The following NASP variants were observed in gnomAD, a reference collection of about 807,000 sequenced individuals.
The protein encoded by NASP is nuclear autoantigenic sperm protein, also known as NASP histone chaperone.
A neutral mutation model predicts 89.5 loss-of-function variants in NASP; 24 were observed. That is an observed-to-expected ratio of 0.27 (90% CI 0.19 to 0.38). NASP has a LOEUF of 0.38. Among genes scored for constraint, NASP ranks in the 10% least tolerant of loss-of-function variants. The pLI is 1.00. For missense variants in NASP, 848 were observed against 921.4 expected (o/e 0.92, Z 1.03); for synonymous variants, 306 against 324.7 (o/e 0.94, Z 0.62).
intron 2 of NASP, among the ~76,000 whole-genome samples, chr1:45,594,254 G>A (rs765382331): frequency 2.6e-5 from 4 of 151,780 alleles, no homozygotes; most frequent in Admixed American, 2.6e-4. Context: ...ACTTGAACCC[G>A]GGAGGTGGAA....
intron 9 of NASP, 22 bp downstream of exon 9, chr1:45,614,388 A>G (rs1557666144): frequency 6.5e-7 from 1 of 1,540,616 alleles, no homozygotes; most frequent in East Asian, 2.2e-5. Context: ...TCCATTTTAT[A>G]CTCTCCTACT....
intron 1 of NASP, chr1:45,588,626 G>A (rs1557648536): frequency 2.2e-6 from 1 of 454,256 alleles, no homozygotes; most frequent in South Asian, 1.6e-5. Context: ...TACTTTCTAA[G>A]TATAGTTTTT....
At chr1:45,608,955 C>T (rs569319086) in intron 6 of NASP, among the ~76,000 whole-genome samples, 7 of 149,160 alleles carry the variant, frequency 4.7e-5, no homozygotes, top group Admixed American at 6.6e-5. Flanking sequence ...TAAAACAGGC[C>T]CCCCCCACCT....
In NASP at chr1:45,591,242, CCTT is replaced by C. The variant is rs780953553; in HGVS notation, c.82_84del (p.Ser28del). ...TTACAGAATTGAAGATGTTCCTGCT[CCTT>C]CTACATCTGCAGATAAAGTGGAGAG... is the stretch of plus-strand genomic sequence containing the variant. On this transcript the variant is annotated inframe_deletion, in exon 2 of 15. Coordinates refer to ENST00000350030, the MANE Select transcript of NASP (RefSeq NM_002482.4). 7 of 1,545,880 alleles carry C rather than the reference CCTT, an allele frequency of 4.5e-6. 1 individual carries two copies. Among genetic ancestry groups the C allele is most frequent in the South Asian group, 2.5e-5 (2 of 78,790 alleles).
intron 1 of NASP, among the ~76,000 whole-genome samples, chr1:45,589,611 T>C (rs1643468335): frequency 6.6e-6 from 1 of 152,130 alleles, no homozygotes; most frequent in Non-Finnish European, 1.5e-5. Flanking sequence ...AAAAAATAAC[T>C]GGATCAGGCT....
chr1:45,611,456 CTTTTTTTTTTTTTTTTT>C (rs71056317), intron 6 of NASP: 21 of 67,644 alleles, frequency 3.1e-4, no homozygotes, highest in African/African-American at 1.2e-3. Flanking sequence ...ATCGCCATTA[CTTTTTTTTTTTTTTTTT>C]TTTTTTTTTT....
At chr1:45,601,738 TAAGAG>T (rs997303722) in intron 2 of NASP, among the ~76,000 whole-genome samples, 3 of 142,422 alleles carry the variant, frequency 2.1e-5, no homozygotes, top group African/African-American at 7.6e-5. Context: ...GATGAGCCGT[TAAGAG>T]AATTTTTTTT....
intron 5 of NASP, 38 bp from the exon 6 acceptor site, chr1:45,607,283 G>A (rs762212397): frequency 4.4e-6 from 7 of 1,592,362 alleles, no homozygotes; most frequent in Non-Finnish European, 6.0e-6. Context: ...CATTAAACTC[G>A]AAGACATGTT....
intron 3 of NASP, among the ~76,000 whole-genome samples, chr1:45,603,231 C>T (rs566274579): frequency 1.3e-5 from 2 of 152,144 alleles, no homozygotes; most frequent in African/African-American, 2.4e-5. Context: ...CAAGTTAAAT[C>T]GTCAAGCAAC....
rs556537983 is a variant in NASP, at chr1:45,585,947, T to G, written c.59+1742T>G. ...AGGCACGGCGCAGGGCCAGGTGTTT[T>G]TGTTTTTGTTTTTTGAGGTAGAAGT... On this transcript the variant is annotated intron_variant, in intron 1 of 14. Coordinates refer to ENST00000350030, the MANE Select transcript of NASP (RefSeq NM_002482.4). Among the ~76,000 whole-genome samples, 9 of 152,272 alleles carry G rather than the reference T, an allele frequency of 5.9e-5. No individual in the cohort carries two copies. In the East Asian group the frequency reaches 1.7e-3, roughly 29 times the overall value.
At chr1:45,596,626 T>TATTTTTAATGTACCA (rs1643702747) in intron 2 of NASP, among the ~76,000 whole-genome samples, 1 of 152,240 alleles carries the variant, frequency 6.6e-6, no homozygotes, top group Non-Finnish European at 1.5e-5. Flanking sequence ...CAAGATAGAC[T>TATTTTTAATGTACCA]GGTTTTTAAT....
At chr1:45,598,723 C>T (rs1377086213) in intron 2 of NASP, among the ~76,000 whole-genome samples, 1 of 152,180 alleles carries the variant, frequency 6.6e-6, no homozygotes, top group Non-Finnish European at 1.5e-5. Context: ...TGCCTTGTTT[C>T]TCACTGGCTT....
At chr1:45,608,469 G>T (rs1399340595) in intron 6 of NASP, 132 bp downstream of exon 6, 1 of 905,568 alleles carries the variant, frequency 1.1e-6, no homozygotes, top group Admixed American at 2.5e-5. Context: ...TAAATGAAAA[G>T]GGGGGTAGTT....
At chr1:45,614,817 G>T (rs1644075030) in intron 9 of NASP, 196 bp from the exon 10 acceptor site, 2 of 544,650 alleles carry the variant, frequency 3.7e-6, no homozygotes, top group African/African-American at 3.8e-5. Flanking sequence ...GATTACAGGT[G>T]TGAGCCACCA....
intron 6 of NASP, chr1:45,609,993 G>A (rs1488252350): frequency 6.6e-6 from 1 of 152,218 alleles, no homozygotes; most frequent in Non-Finnish European, 1.5e-5. Flanking sequence ...ATGGTCAGAA[G>A]TTTGAGACCA....
At chr1:45,599,648 C>T (rs559014681) in intron 2 of NASP, among the ~76,000 whole-genome samples, 30 of 150,720 alleles carry the variant, frequency 2.0e-4, no homozygotes, top group African/African-American at 6.6e-4. Flanking sequence ...AGGCTGGTTT[C>T]GAACTCCTGA....
intron 8 of NASP, 47 bp from the exon 9 acceptor site, chr1:45,614,246 G>T (rs1356321796): frequency 6.3e-7 from 1 of 1,594,426 alleles, no homozygotes; most frequent in South Asian, 1.1e-5. Context: ...ACCAGTTAGG[G>T]TTAGACAGGT....
intron 2 of NASP, among the ~76,000 whole-genome samples, chr1:45,593,242 A>G (rs1643596463): frequency 6.6e-6 from 1 of 152,086 alleles, no homozygotes; most frequent in African/African-American, 2.4e-5. Context: ...TTGTGTTTAG[A>G]AATAACTCCG....
intron 2 of NASP, among the ~76,000 whole-genome samples, chr1:45,593,742 C>T (rs796823248): frequency 1.1e-4 from 16 of 150,580 alleles, no homozygotes; most frequent in African/African-American, 2.9e-4. Flanking sequence ...TGGTAGCTTA[C>T]ACCAGTAATC....
Sources: allele counts gnomAD v4.1 joint callset (sites outside exome capture counted in the v4.1 genomes callset), GRCh38; gene constraint gnomAD v4.1.1; transcripts MANE v1.5; gene names NCBI Gene and HGNC (gene_info 2026-07-23, HGNC 2026-07-21).